PCCA: variants seen among roughly 807,000 people sequenced by gnomAD.
PCCA encodes propionyl-CoA carboxylase subunit alpha.
Under a neutral mutation model 101.3 loss-of-function variants are expected in PCCA, and 74 were observed. The ratio of observed to expected loss-of-function variants is 0.73; its 90% CI spans 0.61 to 0.89. PCCA has a LOEUF of 0.89. Ranked by LOEUF, PCCA falls within the 40% of genes least tolerant of loss-of-function variation. The probability of loss-of-function intolerance (pLI) is 0.00; values close to 1 mark genes in which losing one functional copy is unlikely to be tolerated. For synonymous variants in PCCA, 294 were observed against 313.6 expected (o/e 0.94, Z 0.66); for missense variants, 891 against 907.0 (o/e 0.98, Z 0.23).
intron 19 of PCCA, among the ~76,000 whole-genome samples, chr13:100,386,879 T>C (rs945384525): frequency 1.3e-5 from 2 of 152,202 alleles, no homozygotes; most frequent in African/African-American, 4.8e-5. Context: ...TTAGATCATA[T>C]CTTTTTAGTA....
At chr13:100,339,903 G>C (rs746434479) in intron 17 of PCCA, among the ~76,000 whole-genome samples, 18 of 152,158 alleles carry the variant, frequency 1.2e-4, no homozygotes, top group Non-Finnish European at 2.4e-4. Context: ...TTTGTTCTGT[G>C]CATCTGTTGA....
In PCCA at chr13:100,499,968, A is replaced by G. The variant is rs185620095; in HGVS notation, c.1900-15459A>G. On this transcript the variant is annotated intron_variant, in intron 21 of 23. Transcript: ENST00000376285. ...CTGTCGTTTGGGGAAAAGGAATAAC[A>G]GATTCATTTTTTCTTTTTTTAAAGA... 2.0e-5 allele frequency among the ~76,000 whole-genome samples: 3 copies of G among 152,310 alleles called. No homozygotes were observed. In the East Asian group the frequency reaches 5.8e-4, roughly 29 times the overall value.
intron 17 of PCCA, among the ~76,000 whole-genome samples, chr13:100,331,649 TG>T (rs1179132681): frequency 6.6e-6 from 1 of 152,178 alleles, no homozygotes; most frequent in African/African-American, 2.4e-5. Flanking sequence ...AAATGAAGAA[TG>T]GCTCTAAGTT....
At chr13:100,185,084 G>A (rs2057136696) in intron 6 of PCCA, among the ~76,000 whole-genome samples, 1 of 152,170 alleles carries the variant, frequency 6.6e-6, no homozygotes, top group Admixed American at 6.5e-5. Context: ...CAAAAAGTAA[G>A]ACAAATGTCT....
intron 21 of PCCA, among the ~76,000 whole-genome samples, chr13:100,496,014 A>G (rs1432575517): frequency 6.6e-6 from 1 of 152,044 alleles, no homozygotes; most frequent in East Asian, 1.9e-4. Flanking sequence ...ATATATGTAA[A>G]TAATTGGTAT....
At chr13:100,367,730 G>A (rs1423241906) in intron 18 of PCCA, among the ~76,000 whole-genome samples, 1 of 150,038 alleles carries the variant, frequency 6.7e-6, no homozygotes, top group Non-Finnish European at 1.5e-5. Flanking sequence ...AAGCCGAGGC[G>A]GGTGGATCAT....
At chr13:100,458,434 CACACAT>C (rs1294451947) in intron 21 of PCCA, among the ~76,000 whole-genome samples, 22 of 72,058 alleles carry the variant, frequency 3.1e-4, no homozygotes, top group African/African-American at 6.7e-4. Flanking sequence ...CACACACACA[CACACAT>C]ACACACACAC....
chr13:100,430,618 T>C (rs1004948456), intron 20 of PCCA, among the ~76,000 whole-genome samples: 4 of 152,226 alleles, frequency 2.6e-5, no homozygotes, highest in African/African-American at 9.6e-5. Flanking sequence ...CAATTACTTA[T>C]TCTCCTCTAA....
intron 18 of PCCA, among the ~76,000 whole-genome samples, chr13:100,356,469 G>A (rs950555478): frequency 6.6e-6 from 1 of 152,028 alleles, no homozygotes; most frequent in Non-Finnish European, 1.5e-5. Flanking sequence ...TTTCAAAAAA[G>A]ATATAGAAAT....
chr13:100,268,662 G>C, intron 10 of PCCA, 27 bp from the exon 11 acceptor site: 1 of 1,535,200 alleles, frequency 6.5e-7, no homozygotes, highest in South Asian at 1.1e-5. Flanking sequence ...TGGTTATATG[G>C]TTTTTCAAAT....
chr13:100,204,817 T>A (rs760878724), intron 6 of PCCA, among the ~76,000 whole-genome samples: 1 of 152,218 alleles, frequency 6.6e-6, no homozygotes, highest in Non-Finnish European at 1.5e-5. Context: ...TCTTGCTGTG[T>A]TGCCCATGCT....
intron 12 of PCCA, among the ~76,000 whole-genome samples, chr13:100,296,926 C>T (rs1486373791): frequency 6.6e-6 from 1 of 152,152 alleles, no homozygotes; most frequent in Non-Finnish European, 1.5e-5. Context: ...TCCTGCATTG[C>T]ATTTAGTTGT....
At chr13:100,196,367 C>T (rs2058100585) in intron 6 of PCCA, among the ~76,000 whole-genome samples, 1 of 152,068 alleles carries the variant, frequency 6.6e-6, no homozygotes, top group African/African-American at 2.4e-5. Context: ...ATACTCACTC[C>T]CCATCAGTGT....
At chr13:100,312,518 T>C (rs2067003529) in intron 16 of PCCA, among the ~76,000 whole-genome samples, 1 of 152,186 alleles carries the variant, frequency 6.6e-6, no homozygotes, top group Non-Finnish European at 1.5e-5. Flanking sequence ...TTTGGGAAAA[T>C]AATCTGGTGT....
intron 16 of PCCA, among the ~76,000 whole-genome samples, chr13:100,325,573 G>A (rs1220831422): frequency 6.6e-6 from 1 of 152,164 alleles, no homozygotes; most frequent in African/African-American, 2.4e-5. Context: ...TTTCTTAGTA[G>A]GGAAAAGAAG....
chr13:100,118,615 T>C (rs1346067256), intron 4 of PCCA, among the ~76,000 whole-genome samples: 1 of 152,130 alleles, frequency 6.6e-6, no homozygotes, highest in Non-Finnish European at 1.5e-5. Context: ...AGTGGTGAGA[T>C]TATAACTCAC....
At chr13:100,459,027 G>C (rs1370763949) in intron 21 of PCCA, among the ~76,000 whole-genome samples, 1 of 152,150 alleles carries the variant, frequency 6.6e-6, no homozygotes, top group East Asian at 1.9e-4. Flanking sequence ...GGGAGGGTCT[G>C]TTCTGTGCCT....
intron 20 of PCCA, among the ~76,000 whole-genome samples, chr13:100,437,995 T>A (rs888317861): frequency 6.6e-6 from 1 of 152,074 alleles, no homozygotes; most frequent in Non-Finnish European, 1.5e-5. Context: ...TTAGTAGTCA[T>A]ATTAAAAAAG....
intron 16 of PCCA, among the ~76,000 whole-genome samples, chr13:100,314,181 A>G (rs756092257): frequency 1.3e-5 from 2 of 152,172 alleles, no homozygotes; most frequent in Non-Finnish European, 2.9e-5. Context: ...TCACTCACAG[A>G]ACTCGCAGAA....
Sources: gnomAD v4.1 joint callset for allele counts (sites outside exome capture counted in the v4.1 genomes callset) on GRCh38, gnomAD v4.1.1 for gene constraint, MANE v1.5 for transcripts, NCBI Gene and HGNC (gene_info 2026-07-23, HGNC 2026-07-21) for gene names.